GPR89A: variants seen among roughly 807,000 people sequenced by gnomAD.
The protein encoded by GPR89A is golgi pH regulator A.
In GPR89A, 16 loss-of-function variants were observed where a neutral mutation model predicts 52.0. The ratio of observed to expected loss-of-function variants is 0.31; its 90% CI spans 0.21 to 0.47. GPR89A has a LOEUF of 0.47. Among genes scored for constraint, GPR89A ranks in the 20% least tolerant of loss-of-function variants. The pLI, the probability that GPR89A is intolerant of heterozygous loss-of-function variation, is 1.00. For missense variants in GPR89A, 135 were observed against 449.4 expected (o/e 0.30, Z 6.33); for synonymous variants, 55 against 150.9 (o/e 0.36, Z 4.66).
intron 1 of GPR89A, among the ~76,000 whole-genome samples, chr1:145,614,798 G>C (rs1553686688): frequency 6.6e-6 from 1 of 152,142 alleles, no homozygotes; most frequent in African/African-American, 2.4e-5. Flanking sequence ...AGCATAACTG[G>C]GAGAGGGCTA....
At chr1:145,649,649 C>G (rs1299434256) in intron 10 of GPR89A, among the ~76,000 whole-genome samples, 2 of 151,968 alleles carry the variant, frequency 1.3e-5, no homozygotes, top group South Asian at 4.1e-4. Context: ...TGCTGTCTTT[C>G]TCTTGAGTAG....
chr1:145,609,176 C>T (rs1553685686), intron 1 of GPR89A, among the ~76,000 whole-genome samples: 3 of 152,178 alleles, frequency 2.0e-5, no homozygotes, highest in Non-Finnish European at 4.4e-5. Flanking sequence ...TGTTCTTTCT[C>T]TCAAACGGCA....
chr1:145,661,830 A>G (rs1175527788), intron 10 of GPR89A, among the ~76,000 whole-genome samples: 3 of 149,486 alleles, frequency 2.0e-5, no homozygotes, highest in Non-Finnish European at 3.0e-5. Flanking sequence ...TCACAAATTT[A>G]ATGAATTGTA....
intron 12 of GPR89A, among the ~76,000 whole-genome samples, chr1:145,669,158 TG>T (rs1553697001): frequency 6.6e-6 from 1 of 151,138 alleles, no homozygotes; most frequent in Non-Finnish European, 1.5e-5. Context: ...TTCACGGAGG[TG>T]GAAAGTGAGT....
At chr1:145,610,664 C>T (rs587662497) in intron 1 of GPR89A, among the ~76,000 whole-genome samples, 15 of 151,870 alleles carry the variant, frequency 9.9e-5, no homozygotes, top group African/African-American at 3.4e-4. Context: ...TTGTTTATCT[C>T]CTCCATAGAT....
intron 1 of GPR89A, among the ~76,000 whole-genome samples, chr1:145,613,809 CAG>C (rs1648471892): frequency 6.6e-6 from 1 of 151,198 alleles, no homozygotes; most frequent in South Asian, 2.1e-4. Flanking sequence ...TGTTTTGAGA[CAG>C]GGTTTCGCTC....
At chr1:145,654,343 G>A (rs2101823212) in intron 10 of GPR89A, among the ~76,000 whole-genome samples, 1 of 152,034 alleles carries the variant, frequency 6.6e-6, no homozygotes, top group Admixed American at 6.5e-5. Context: ...CACGAGGTCA[G>A]AAGATCGAGA....
intron 10 of GPR89A, among the ~76,000 whole-genome samples, chr1:145,659,215 A>C (rs1330579602): frequency 6.7e-5 from 10 of 150,244 alleles, no homozygotes; most frequent in African/African-American, 9.8e-5. Context: ...GGTGGAGTCT[A>C]GCTCTGTCGC....
intron 9 of GPR89A, 147 bp from the exon 10 acceptor site, chr1:145,647,028 C>A (rs587617943): frequency 2.2e-5 from 28 of 1,252,630 alleles, no homozygotes; most frequent in Admixed American, 2.8e-5. Context: ...TAAATGCTGG[C>A]CACAACTACT....
At chr1:145,624,384 G>A (rs1274214056) in intron 5 of GPR89A, among the ~76,000 whole-genome samples, 1 of 129,296 alleles carries the variant, frequency 7.7e-6, no homozygotes, top group African/African-American at 3.2e-5. Context: ...CAGCTAACAA[G>A]TCCTTCCAGA....
intron 5 of GPR89A, among the ~76,000 whole-genome samples, chr1:145,626,768 G>A (rs1157295621): frequency 6.6e-6 from 1 of 151,662 alleles, no homozygotes; most frequent in Non-Finnish European, 1.5e-5. Flanking sequence ...TGGCCAACAT[G>A]GCAAAACCCC....
intron 9 of GPR89A, chr1:145,646,681 G>A (rs781872380): frequency 3.9e-5 from 9 of 228,942 alleles, no homozygotes; most frequent in Non-Finnish European, 7.6e-5. Flanking sequence ...TGTCGAAACT[G>A]TAAGAAGTAA....
intron 12 of GPR89A, among the ~76,000 whole-genome samples, chr1:145,667,838 C>G (rs1228943855): frequency 2.5e-4 from 38 of 152,196 alleles, no homozygotes; most frequent in African/African-American, 8.4e-4. Flanking sequence ...AATCCCTTCC[C>G]CATTTCTTGT....
At position 145,629,895 on chromosome 1, in the gene GPR89A, C is replaced by G. The variant is rs587615398; in HGVS notation, c.416-792C>G. ...AGCTGACAGAATTCCTGAATTATAG[C>G]TCTGGCATTTGACCATAGGAGTGGA... is the stretch of plus-strand genomic sequence containing the variant. On this transcript the variant is annotated intron_variant, in intron 5 of 13. Coordinates refer to ENST00000313835, the MANE Select transcript of GPR89A (RefSeq NM_001097612.2). 2.0e-5 allele frequency among the ~76,000 whole-genome samples: 3 copies of G among 152,338 alleles called. No homozygotes were observed. In the South Asian group the frequency reaches 6.2e-4, roughly 32 times the overall value.
In GPR89A at chr1:145,608,192, C is replaced by A. The variant is rs1553685302; in HGVS notation, c.42+17C>A. On this transcript the variant is annotated intron_variant, in intron 1 of 13. Coordinates refer to ENST00000313835, the MANE Select transcript of GPR89A (RefSeq NM_001097612.2). ...ACCTCCCAGGTGAGTCACCGCCTCC[C>A]GCCCCGACACCCGTCCGCCTCCCTT... 3 of 1,613,872 alleles carry A rather than the reference C, an allele frequency of 1.9e-6. No individual in the cohort carries two copies. Among genetic ancestry groups the A allele is most frequent in the South Asian group, 2.2e-5 (2 of 91,042 alleles).
At chr1:145,615,497 C>A (rs1195113973) in intron 1 of GPR89A, among the ~76,000 whole-genome samples, 10 of 151,452 alleles carry the variant, frequency 6.6e-5, no homozygotes, top group Non-Finnish European at 7.4e-5. Flanking sequence ...GCACACCCCA[C>A]CACCCCCAGC....
rs782605546 is a variant in GPR89A at position 145,669,609 on chromosome 1, C to T, written c.1096-16C>T. ...CTAACACTACTGCATAAATTCATCTCCCTCTTTCTTGACAGTTCTTTTATG... is the reference window on the plus strand; with the variant it reads ...CTAACACTACTGCATAAATTCATCTTCCTCTTTCTTGACAGTTCTTTTATG... On this transcript the variant is annotated splice_polypyrimidine_tract_variant and intron_variant, in intron 12 of 13. Coordinates refer to ENST00000313835, the MANE Select transcript of GPR89A (RefSeq NM_001097612.2). 8.1e-6 allele frequency: 13 copies of T among 1,610,686 alleles called. No individual in the cohort carries two copies. The African/African-American group carries it at 1.3e-4, about 17-fold the overall frequency.
chr1:145,646,036 G>A (rs1650963684), intron 8 of GPR89A, 148 bp from the exon 9 acceptor site: 2 of 1,231,594 alleles, frequency 1.6e-6, no homozygotes, highest in Non-Finnish European at 2.4e-6. Context: ...AAGCTGCTCT[G>A]AAGTAGCGCT....
intron 7 of GPR89A, among the ~76,000 whole-genome samples, chr1:145,638,508 G>GAAAAAAATAGTAAATATTTTTTT (rs1553691188): frequency 1.6e-4 from 23 of 143,924 alleles, no homozygotes; most frequent in Non-Finnish European, 2.1e-4. Context: ...TCAAAAAGAA[G>GAAAAAAATAGTAAATATTTTTTT]AAAAAAATAG....
Sources: allele counts gnomAD v4.1 joint callset (sites outside exome capture counted in the v4.1 genomes callset), GRCh38; gene constraint gnomAD v4.1.1; transcripts MANE v1.5; gene names NCBI Gene and HGNC (gene_info 2026-07-23, HGNC 2026-07-21).